The following JADE3 variants were observed in gnomAD, a reference collection of about 807,000 sequenced individuals.
The protein encoded by JADE3 is jade family PHD finger 3.
A neutral mutation model predicts 50.1 loss-of-function variants in JADE3; 2 were observed. The ratio of observed to expected loss-of-function variants is 0.04; its 90% CI spans 0.02 to 0.13. The LOEUF (loss-of-function observed/expected upper bound fraction) is 0.13, where lower values mean the gene tolerates loss of function less well. Ranked by LOEUF, JADE3 falls within the 10% of genes least tolerant of loss-of-function variation. The pLI is 1.00. For synonymous variants in JADE3, 218 were observed against 232.9 expected (o/e 0.94, Z 0.58); for missense variants, 475 against 634.4 (o/e 0.75, Z 2.70).
At chrX:46,917,886 A>C (rs1276007003) in intron 1 of JADE3, among the ~76,000 whole-genome samples, 49 of 42,245 alleles carry the variant, frequency 1.2e-3, no homozygotes, top group Non-Finnish European at 1.4e-3. Context: ...TCTCTCTCTC[A>C]TCCTCTCTCT....
chrX:46,925,900 G>A (rs1422049947), intron 1 of JADE3, among the ~76,000 whole-genome samples: 1 of 107,306 alleles, frequency 9.3e-6, no homozygotes, highest in Non-Finnish European at 1.9e-5. Context: ...CCATCACCCA[G>A]GCTGGAGTGC....
intron 1 of JADE3, among the ~76,000 whole-genome samples, chrX:46,971,108 A>AT (rs199889056): frequency 5.0e-4 from 23 of 45,983 alleles, no homozygotes; most frequent in African/African-American, 1.1e-3. Context: ...GGTAGTTGAA[A>AT]TTTTTTTTTT....
chrX:46,960,366 G>T (rs148876991), intron 1 of JADE3, among the ~76,000 whole-genome samples: 6 of 111,951 alleles, frequency 5.4e-5, no homozygotes, highest in African/African-American at 9.7e-5. Context: ...AACGGATAAG[G>T]GTGGCTCATT....
chrX:46,985,914 A>G (rs1927851522), intron 3 of JADE3, 122 bp downstream of exon 3: 2 of 497,047 alleles, frequency 4.0e-6, no homozygotes, highest in Admixed American at 3.2e-5. Flanking sequence ...TGTTTGGATC[A>G]TGGGAATATA....
intron 4 of JADE3, among the ~76,000 whole-genome samples, chrX:47,021,279 T>G (rs920397973): frequency 1.8e-5 from 2 of 111,361 alleles, no homozygotes; most frequent in Admixed American, 1.9e-4. Context: ...TCCATCCTGT[T>G]GCATGTAGTA....
intron 4 of JADE3, among the ~76,000 whole-genome samples, chrX:47,012,109 G>A (rs1278653785): frequency 8.9e-6 from 1 of 111,843 alleles, no homozygotes; most frequent in African/African-American, 3.2e-5. Flanking sequence ...TGTCTTTGGA[G>A]AAATTATTCA....
chrX:46,932,641 C>T (rs1926522133), intron 1 of JADE3, among the ~76,000 whole-genome samples: 1 of 111,862 alleles, frequency 8.9e-6, no homozygotes, highest in Non-Finnish European at 1.9e-5. Flanking sequence ...CCATCCTGTA[C>T]AGAGTCCCTG....
chrX:46,931,443 CAG>C (rs1475569973), intron 1 of JADE3, among the ~76,000 whole-genome samples: 6 of 109,250 alleles, frequency 5.5e-5, no homozygotes, highest in Non-Finnish European at 7.6e-5. Context: ...TTATTTGAGA[CAG>C]AGTCTTGCTC....
chrX:46,977,812 A>C (rs1215191980), intron 1 of JADE3, among the ~76,000 whole-genome samples: 1 of 111,540 alleles, frequency 9.0e-6, no homozygotes, highest in African/African-American at 3.3e-5. Context: ...AGGTGATGGC[A>C]GAACAATTAT....
At chrX:47,054,759 T>C (rs1929600534) in intron 9 of JADE3, 131 bp downstream of exon 9, 1 of 449,165 alleles carries the variant, frequency 2.2e-6, no homozygotes, top group Admixed American at 4.0e-5. Flanking sequence ...TCTTCTGATC[T>C]CTTTATGGCC....
At chrX:46,973,019 CAAAGATA>C (rs1409013172) in intron 1 of JADE3, among the ~76,000 whole-genome samples, 2 of 112,550 alleles carry the variant, frequency 1.8e-5, no homozygotes, top group African/African-American at 6.5e-5. Flanking sequence ...CCCTCAAAGC[CAAAGATA>C]TTTCCTATCT....
chrX:46,929,940 T>G (rs901772514), intron 1 of JADE3, among the ~76,000 whole-genome samples: 13 of 112,228 alleles, frequency 1.2e-4, no homozygotes, highest in African/African-American at 4.2e-4. Context: ...CAGGACTAAA[T>G]GTGCTCAACA....
At chrX:46,930,018 G>A (rs1556339582) in intron 1 of JADE3, among the ~76,000 whole-genome samples, 1 of 112,302 alleles carries the variant, frequency 8.9e-6, no homozygotes, top group African/African-American at 3.2e-5. Flanking sequence ...ATCTCTGTAT[G>A]TACACTTAGA....
intron 1 of JADE3, among the ~76,000 whole-genome samples, chrX:46,972,781 G>A (rs1927527995): frequency 1.8e-5 from 2 of 111,525 alleles, no homozygotes. Context: ...TGTATTTTTA[G>A]TAGAGAGGGG....
chrX:46,951,320 ACCCAGCCTGTAAT>A (rs1926998790), intron 1 of JADE3, among the ~76,000 whole-genome samples: 1 of 75,673 alleles, frequency 1.3e-5, no homozygotes, highest in African/African-American at 4.7e-5. Flanking sequence ...GAGCCACCGC[ACCCAGCCTGTAAT>A]CCCAGCACTT....
At chrX:46,937,188 C>T (rs984368951) in intron 1 of JADE3, among the ~76,000 whole-genome samples, 1 of 111,685 alleles carries the variant, frequency 9.0e-6, no homozygotes, top group African/African-American at 3.3e-5. Context: ...CTCTTTGATT[C>T]GTGGATTATT....
At chrX:47,038,667 A>AG (rs1454559873) in intron 7 of JADE3, among the ~76,000 whole-genome samples, 30 of 104,728 alleles carry the variant, frequency 2.9e-4, no homozygotes, top group African/African-American at 1.1e-3. Context: ...AAAAAAAAAA[A>AG]AAAAAGAAGA....
chrX:47,046,503 G>A (rs1929380067), intron 8 of JADE3, among the ~76,000 whole-genome samples: 1 of 111,821 alleles, frequency 8.9e-6, no homozygotes, highest in African/African-American at 3.2e-5. Flanking sequence ...AAATAGAAGA[G>A]AAGGGAATAC....
chrX:46,921,770 TTC>T (rs1306733548), intron 1 of JADE3, among the ~76,000 whole-genome samples: 2 of 111,161 alleles, frequency 1.8e-5, no homozygotes, highest in Admixed American at 9.6e-5. Flanking sequence ...TGGCAGTAAA[TTC>T]TCTGTTTTTG....
Sources: gnomAD v4.1 joint callset for allele counts (sites outside exome capture counted in the v4.1 genomes callset) on GRCh38, gnomAD v4.1.1 for gene constraint, MANE v1.5 for transcripts, NCBI Gene and HGNC (gene_info 2026-07-23, HGNC 2026-07-21) for gene names.